The following NCOA7 variants were observed in gnomAD, a reference collection of about 807,000 sequenced individuals.
NCOA7 encodes the protein 140 kDa estrogen receptor-associated protein.
In NCOA7, 45 loss-of-function variants were observed where a neutral mutation model predicts 104.3. That is an observed-to-expected ratio of 0.43 (90% CI 0.34 to 0.55). NCOA7 has a LOEUF of 0.55. NCOA7 is among the 20% of genes least tolerant of loss of function. The pLI is 0.02. For synonymous variants in NCOA7, 398 were observed against 402.3 expected (o/e 0.99, Z 0.13); for missense variants, 1,041 against 1,119.7 (o/e 0.93, Z 1.00).
At chr6:125,921,149 C>A in intron 12 of NCOA7, 81 bp downstream of exon 12, 1 of 1,521,726 alleles carries the variant, frequency 6.6e-7, no homozygotes, top group South Asian at 1.2e-5. Flanking sequence ...GTGGCTCATG[C>A]CTGTAATCCT....
chr6:125,890,168 G>A (rs6903464), intron 9 of NCOA7, among the ~76,000 whole-genome samples, 187 bp downstream of exon 9: 149,360 of 152,358 alleles, frequency 0.98, 73,234 homozygotes, highest in East Asian at 1. Flanking sequence ...TTGGAACTTG[G>A]ACTGTGACAT....
chr6:125,841,489 A>G (rs1780171689), intron 2 of NCOA7, among the ~76,000 whole-genome samples: 2 of 152,146 alleles, frequency 1.3e-5, no homozygotes, highest in Admixed American at 6.6e-5. Context: ...GTTGGTTAAA[A>G]TCAAACTGGT....
At chr6:125,888,862 T>C in intron 8 of NCOA7, 77 bp from the exon 9 acceptor site, 1 of 1,138,072 alleles carries the variant, frequency 8.8e-7, no homozygotes, top group Non-Finnish European at 1.2e-6. Context: ...TTCTGTTTTG[T>C]TTTTTGCCTT....
intron 5 of NCOA7, among the ~76,000 whole-genome samples, chr6:125,878,683 C>T (rs185538960): frequency 4.6e-5 from 7 of 151,916 alleles, no homozygotes; most frequent in East Asian, 1.9e-4. Flanking sequence ...CTCAACTTTA[C>T]GATATTTTCA....
chr6:125,837,300 T>C (rs1194757031), intron 2 of NCOA7, among the ~76,000 whole-genome samples: 1 of 152,146 alleles, frequency 6.6e-6, no homozygotes, highest in Non-Finnish European at 1.5e-5. Context: ...TTCAGAAAAG[T>C]ACACGTGTGT....
intron 11 of NCOA7, among the ~76,000 whole-genome samples, chr6:125,917,889 G>A (rs762880165): frequency 6.6e-5 from 10 of 152,214 alleles, no homozygotes; most frequent in Non-Finnish European, 1.2e-4. Context: ...TGCCTTGTGC[G>A]CAGTAAATCT....
At chr6:125,900,044 G>A (rs757702784) in intron 10 of NCOA7, 4 of 533,044 alleles carry the variant, frequency 7.5e-6, no homozygotes, top group African/African-American at 3.8e-5. Flanking sequence ...AAACAGTAAT[G>A]ATTGCAAACC....
chr6:125,865,799 G>A (rs1483133099), intron 3 of NCOA7, among the ~76,000 whole-genome samples: 1 of 136,048 alleles, frequency 7.4e-6, no homozygotes, highest in Non-Finnish European at 1.6e-5. Context: ...AAGTAGCGGG[G>A]ACTATAGGCA....
intron 2 of NCOA7, among the ~76,000 whole-genome samples, chr6:125,834,664 C>T (rs995795128): frequency 3.0e-4 from 46 of 152,122 alleles, no homozygotes; most frequent in African/African-American, 1.1e-3. Context: ...TCTTGCTGAC[C>T]TAAAAGGAAG....
intron 1 of NCOA7, among the ~76,000 whole-genome samples, chr6:125,813,174 T>A (rs900154405): frequency 6.6e-6 from 1 of 152,156 alleles, no homozygotes; most frequent in African/African-American, 2.4e-5. Context: ...CCAGCTCTGA[T>A]GGATTTGGTA....
Position 125,915,427 on chromosome 6 carries a change from G to C in NCOA7, c.2191G>C (p.Glu731Gln). 1 of 1,613,904 alleles carries C rather than the reference G, an allele frequency of 6.2e-7. No individual in the cohort carries two copies. ...EQGFVVVEKE[E>Q]LNMIDNFFSE... ...AGGCTTTGTGGTGGTGGAGAAGGAA[G>C]AACTGAACATGATTGACAACTTCTT... The change falls in exon 11 of 16, where the codon GAA becomes CAA. Residue 731 changes from glutamate to glutamine, a missense_variant. Physicochemically the swap from Glu to Gln is conservative, Grantham distance 29. This residue lies in a region of NCOA7 where 914 missense variants were observed against 942.7 expected (regional missense o/e 0.97). Transcript: ENST00000392477.
intron 3 of NCOA7, 158 bp downstream of exon 3, chr6:125,855,398 G>A: frequency 1.7e-6 from 1 of 588,762 alleles, no homozygotes; most frequent in Non-Finnish European, 3.0e-6. Flanking sequence ...TCTTGTGTAA[G>A]GGGATCACAC....
At chr6:125,824,741 C>G (rs990142407) in intron 2 of NCOA7, among the ~76,000 whole-genome samples, 1 of 152,038 alleles carries the variant, frequency 6.6e-6, no homozygotes, top group Non-Finnish European at 1.5e-5. Context: ...TAAACTGTCT[C>G]CTCTCCTCCA....
At position 125,889,598 on chromosome 6, in the gene NCOA7, A is replaced by C; in HGVS notation, c.1544A>C (p.Glu515Ala). 6.2e-7 allele frequency: 1 copy of C among 1,613,886 alleles called. No homozygotes were observed. The highest frequency in any genetic ancestry group is 8.5e-7 in the Non-Finnish European group (1 of 1,179,956). Reference protein sequence around the residue: ...SRVENTLNIHEDLDKVKLIEY... With the variant: ...SRVENTLNIHADLDKVKLIEY... The stretch of plus-strand genomic sequence containing the variant: ...GTAGAAAACACACTGAACATACATG[A>C]AGATTTAGATAAAGTTAAACTCATT... The change falls in exon 9 of 16, where the codon GAA becomes GCA. Residue 515 changes from glutamate (E) to alanine (A), a missense_variant. Transcript: ENST00000392477.
Position 125,928,632 on chromosome 6 carries a change from T to C in NCOA7, c.2694-4T>C. 6.2e-7 allele frequency: 1 copy of C among 1,600,478 alleles called. No individual in the cohort carries two copies. The highest frequency in any genetic ancestry group is 8.5e-7 in the Non-Finnish European group (1 of 1,176,208). On this transcript the variant is annotated splice_region_variant and splice_polypyrimidine_tract_variant and intron_variant, in intron 15 of 15. Coordinates refer to ENST00000392477, the MANE Select transcript of NCOA7 (RefSeq NM_181782.5). Reference sequence around the variant, plus strand: ...ACCTTTTTTTTTTTTTTTAACCTTTTCAGGGGACGATTTGGTTTATGGCTA... The same window carrying C: ...ACCTTTTTTTTTTTTTTTAACCTTTCCAGGGGACGATTTGGTTTATGGCTA...
At chr6:125,812,667 C>T (rs143363653) in intron 1 of NCOA7, among the ~76,000 whole-genome samples, 447 of 152,306 alleles carry the variant, frequency 2.9e-3, no homozygotes, top group African/African-American at 0.01. Context: ...TGTAATCAAA[C>T]GTCTGGTGAA....
intron 1 of NCOA7, among the ~76,000 whole-genome samples, chr6:125,806,571 T>A (rs1460407611): frequency 6.6e-6 from 1 of 152,142 alleles, no homozygotes; most frequent in Non-Finnish European, 1.5e-5. Flanking sequence ...TTCTCATTGG[T>A]TGTGGTACCC....
chr6:125,833,639 G>A (rs1265101887), intron 2 of NCOA7, among the ~76,000 whole-genome samples: 1 of 151,922 alleles, frequency 6.6e-6, no homozygotes, highest in Non-Finnish European at 1.5e-5. Flanking sequence ...TGAGGCTGAT[G>A]TCTTGTTTCA....
chr6:125,800,835 T>A (rs1775816597), intron 1 of NCOA7, among the ~76,000 whole-genome samples: 1 of 152,198 alleles, frequency 6.6e-6, no homozygotes. Context: ...AAGACCAGCC[T>A]GGCCAACATG....
Sources: allele counts gnomAD v4.1 joint callset (sites outside exome capture counted in the v4.1 genomes callset), GRCh38; gene constraint gnomAD v4.1.1; regional missense constraint gnomAD v4.1.1; transcripts MANE v1.5; gene names NCBI Gene and HGNC (gene_info 2026-07-23, HGNC 2026-07-21).